The following SGCD variants were observed in gnomAD, a reference collection of about 807,000 sequenced individuals.
The protein encoded by SGCD is delta-sarcoglycan.
In SGCD, 18 loss-of-function variants were observed where a neutral mutation model predicts 36.6. The observed-to-expected ratio is 0.49, with a 90% CI of 0.34 to 0.73. SGCD has a LOEUF of 0.73. SGCD is among the 30% of genes least tolerant of loss of function. The probability of loss-of-function intolerance (pLI) is 0.01; values close to 1 mark genes in which losing one functional copy is unlikely to be tolerated. For synonymous variants in SGCD, 133 were observed against 130.6 expected (o/e 1.02, Z -0.12); for missense variants, 387 against 346.7 (o/e 1.12, Z -0.92).
chr5:156,341,212 A>G (rs576009656), intron 2 of SGCD, among the ~76,000 whole-genome samples: 7 of 152,330 alleles, frequency 4.6e-5, no homozygotes, highest in Non-Finnish European at 7.4e-5. Flanking sequence ...CAGCTGGTCA[A>G]TTTTGTCTTG....
At chr5:156,577,867 G>C (rs957666940) in intron 4 of SGCD, among the ~76,000 whole-genome samples, 1 of 152,162 alleles carries the variant, frequency 6.6e-6, no homozygotes, top group Non-Finnish European at 1.5e-5. Context: ...TGCAAACAGG[G>C]ACAAGTTGAC....
intron 3 of SGCD, among the ~76,000 whole-genome samples, chr5:156,181,883 A>G (rs568552504): frequency 6.6e-6 from 1 of 152,336 alleles, no homozygotes; most frequent in South Asian, 2.1e-4. Context: ...TTTATGAGGC[A>G]AAGAATGGGA....
intron 1 of SGCD, among the ~76,000 whole-genome samples, chr5:155,907,745 C>G (rs1036984089): frequency 1.3e-5 from 2 of 152,144 alleles, no homozygotes; most frequent in African/African-American, 4.8e-5. Context: ...ATGGAGCCTA[C>G]TCCTGGTGAG....
At chr5:156,013,443 G>A (rs867203360) in intron 1 of SGCD, among the ~76,000 whole-genome samples, 8 of 152,158 alleles carry the variant, frequency 5.3e-5, no homozygotes, top group African/African-American at 1.2e-4. Context: ...ACACAAGAGC[G>A]TTTGTGCTGG....
chr5:156,335,684 C>T (rs1768313483), intron 2 of SGCD, among the ~76,000 whole-genome samples: 1 of 152,170 alleles, frequency 6.6e-6, no homozygotes, highest in Admixed American at 6.5e-5. Context: ...GCCTTCTATC[C>T]TCACGCTGTT....
intron 1 of SGCD, among the ~76,000 whole-genome samples, chr5:155,961,829 A>T (rs1206179981): frequency 6.6e-6 from 1 of 152,088 alleles, no homozygotes; most frequent in Non-Finnish European, 1.5e-5. Flanking sequence ...AGTAATTTTT[A>T]AAAAATGCAT....
chr5:156,451,422 C>T lies in SGCD; in HGVS notation c.193-57179C>T, dbSNP rs1008968309. Among the ~76,000 whole-genome samples the T allele has an allele frequency of 2.0e-5, 3 of 152,178 alleles. No individual in the cohort carries two copies. The South Asian group carries it at 6.2e-4, about 32-fold the overall frequency. On this transcript the variant is annotated intron_variant, in intron 3 of 8. Coordinates refer to ENST00000337851, the MANE Select transcript of SGCD (RefSeq NM_000337.6). ...TGTTCAGACAGTCCCCAGGATGTGT[C>T]CTGTTAAGGAATTTTTAAAGAAGTG...
rs1374045368 is a variant in SGCD, at chr5:156,577,432, G to GT, written c.295-11793dup. Among the ~76,000 whole-genome samples, 4 of 152,142 alleles carry GT rather than the reference G, an allele frequency of 2.6e-5. No individual in the cohort carries two copies. In the East Asian group the frequency reaches 5.8e-4, roughly 22 times the overall value. The stretch of plus-strand genomic sequence containing the variant: ...TTATTTCCATATGAACTTTAAAGTA[G>GT]TTTTTTCCAATTCTGTGAAGAAAGT... On this transcript the variant is annotated intron_variant, in intron 4 of 8. Transcript: ENST00000337851.
At chr5:155,763,815 A>G in the SGCD span, among the ~76,000 whole-genome samples, 1 of 148,364 alleles carries the variant, frequency 6.7e-6, no homozygotes, top group Non-Finnish European at 1.5e-5. Flanking sequence ...CCAAAACCCT[A>G]TAAAAACTGT....
intron 3 of SGCD, among the ~76,000 whole-genome samples, chr5:156,309,517 T>G (rs968815751): frequency 1.3e-4 from 20 of 151,998 alleles, no homozygotes; most frequent in African/African-American, 4.3e-4. Context: ...TCTTTTTAAG[T>G]TTTCTGTATT....
chr5:156,396,727 T>C (rs1481854049), intron 3 of SGCD, among the ~76,000 whole-genome samples: 1 of 152,192 alleles, frequency 6.6e-6, no homozygotes, highest in Non-Finnish European at 1.5e-5. Flanking sequence ...ATAATAATGA[T>C]AGCTTACACT....
the SGCD span, among the ~76,000 whole-genome samples, chr5:155,763,459 G>A: frequency 1.3e-5 from 2 of 152,134 alleles, no homozygotes. Context: ...TCCTTTACTA[G>A]TAGGGCATAA....
At chr5:156,696,663 C>T (rs543808312) in intron 7 of SGCD, among the ~76,000 whole-genome samples, 5 of 152,134 alleles carry the variant, frequency 3.3e-5, no homozygotes, top group East Asian at 3.9e-4. Flanking sequence ...GCATGTAAGA[C>T]CACACCTGGC....
At chr5:156,732,299 T>C (rs975860702) in intron 7 of SGCD, among the ~76,000 whole-genome samples, 1 of 152,152 alleles carries the variant, frequency 6.6e-6, no homozygotes, top group East Asian at 1.9e-4. Flanking sequence ...GTTTATCGTG[T>C]TTTTAACATG....
chr5:155,807,394 T>G, the SGCD span, among the ~76,000 whole-genome samples: 1 of 152,246 alleles, frequency 6.6e-6, no homozygotes, highest in African/African-American at 2.4e-5. Context: ...CTCTGTGAGA[T>G]TTCTAGAAAA....
At chr5:156,511,877 T>A (rs1756943678) in intron 4 of SGCD, among the ~76,000 whole-genome samples, 1 of 152,144 alleles carries the variant, frequency 6.6e-6, no homozygotes, top group South Asian at 2.1e-4. Context: ...TTAAGTCTAT[T>A]CTGCAGAGGC....
At chr5:156,096,563 C>T (rs1354740717) in intron 1 of SGCD, among the ~76,000 whole-genome samples, 1 of 152,096 alleles carries the variant, frequency 6.6e-6, no homozygotes, top group African/African-American at 2.4e-5. Flanking sequence ...AATCCTTGGC[C>T]CAATCAGGTT....
chr5:156,231,145 G>A (rs1765004946), intron 3 of SGCD, among the ~76,000 whole-genome samples: 1 of 152,194 alleles, frequency 6.6e-6, no homozygotes. Flanking sequence ...GGTGGTTTCA[G>A]AGGTTCATAA....
At chr5:156,000,018 A>G (rs1758632044) in intron 1 of SGCD, among the ~76,000 whole-genome samples, 1 of 152,248 alleles carries the variant, frequency 6.6e-6, no homozygotes, top group Admixed American at 6.5e-5. Flanking sequence ...GTCTAAATTT[A>G]GGATTCTTGA....
Sources: allele counts gnomAD v4.1 joint callset (sites outside exome capture counted in the v4.1 genomes callset), GRCh38; gene constraint gnomAD v4.1.1; transcripts MANE v1.5; gene names NCBI Gene and HGNC (gene_info 2026-07-23, HGNC 2026-07-21).